OXGR1: variants seen among roughly 807,000 people sequenced by gnomAD.
OXGR1 encodes 2-oxoglutarate receptor 1.
Under a neutral mutation model 10.0 loss-of-function variants are expected in OXGR1, and 10 were observed. That is an observed-to-expected ratio of 1.00 (90% CI 0.62 to 1.70). The LOEUF is 1.70. Among genes scored for constraint, OXGR1 ranks in the 40% most tolerant of loss-of-function variants. OXGR1 has a pLI of 0.00. For missense variants in OXGR1, 398 were observed against 407.6 expected, an observed-to-expected ratio of 0.98 and a Z score of 0.20; for synonymous variants, 191 against 155.9, an observed-to-expected ratio of 1.22 and a Z score of -1.68.
Position 96,986,680 on chromosome 13 carries a change from G to C in OXGR1, c.*66C>G. On this transcript the variant is annotated 3_prime_UTR_variant, in exon 4 of 4. Transcript: ENST00000541038. ...GGAGTTCCATTGAGGGAGACATCCT[G>C]AACATCTTAGGATGCTAGGTAAAGT... 1 of 1,489,598 alleles carries C rather than the reference G, an allele frequency of 6.7e-7. No individual in the cohort carries two copies. The highest frequency in any genetic ancestry group is 2.3e-5 in the East Asian group (1 of 44,312). 92.3% of individuals were successfully genotyped at this position (1,489,598 alleles called of 1,614,324 possible).
At position 96,987,212 on chromosome 13, in the gene OXGR1, C is replaced by T. The variant is rs1881799342; in HGVS notation, c.548G>A (p.Cys183Tyr). ...TSTNRTNRSA[C>Y]LDLTSSDELN... Reference sequence around the variant, plus strand: ...TTCATCCGAACTGGTGAGGTCGAGACAGGCTGATCTGTTGGTCCTGTTGGT... The same window carrying T: ...TTCATCCGAACTGGTGAGGTCGAGATAGGCTGATCTGTTGGTCCTGTTGGT... The change falls in exon 4 of 4, where the codon TGT becomes TAT. Residue 183 changes from cysteine (C) to tyrosine (Y), a missense_variant. By Grantham distance (194) the Cys-to-Tyr change is radical. Transcript: ENST00000541038. The T allele has an allele frequency of 1.2e-6, 2 of 1,614,190 alleles. No individual in the cohort carries two copies. Among genetic ancestry groups the T allele is most frequent in the Non-Finnish European group, 1.7e-6 (2 of 1,180,044 alleles).
Position 96,987,658 on chromosome 13 carries a change from G to T in OXGR1, c.102C>A (p.His34Gln). Residue 34 changes from histidine to glutamine, a missense_variant, in exon 4 of 4, where the codon CAC (histidine) becomes CAA (glutamine). His to Gln is a conservative substitution (Grantham distance 24, BLOSUM62 0). Coordinates refer to ENST00000541038, the MANE Select transcript of OXGR1 (RefSeq NM_001346194.2). The part of the protein sequence containing the change: ...CTDENIPLKM[H>Q]YLPVIYGIIF... ...TAATGCCATAAATAACAGGGAGGTA[G>T]TGCATCTTGAGTGGGATGTTTTCAT... is the stretch of plus-strand genomic sequence containing the variant. The T allele has an allele frequency of 6.2e-7, 1 of 1,614,136 alleles. No homozygotes were observed. Among genetic ancestry groups the T allele is most frequent in the Non-Finnish European group, 8.5e-7 (1 of 1,179,992 alleles).
In OXGR1 at chr13:96,987,111, AAAGTGTCACTATCACC is replaced by A; in HGVS notation, c.633_648del (p.Leu211PhefsTer10). The A allele has an allele frequency of 6.2e-7, 1 of 1,614,232 alleles. No homozygotes were observed. ...AGAGTGTGGATAATCGTGGTATAGC[AAAGTGTCACTATCACC>A]AAGGGGAGGCAGAAAGTAGTTGCAG... On this transcript the variant is annotated frameshift_variant, in exon 4 of 4. Coordinates refer to ENST00000541038, the MANE Select transcript of OXGR1 (RefSeq NM_001346194.2). LOFTEE classifies it high-confidence loss of function.
At position 96,985,827 on chromosome 13, in the gene OXGR1, C is replaced by T. The variant is rs1401655328; in HGVS notation, c.*919G>A. The T allele has an allele frequency of 6.6e-6, 1 of 152,156 alleles. No individual in the cohort carries two copies. Among genetic ancestry groups the T allele is most frequent in the Non-Finnish European group, 1.5e-5 (1 of 68,026 alleles). 9.4% of individuals were successfully genotyped at this position (152,156 alleles called of 1,614,324 possible). ...ACTTACCGATAATTAAGCACACATA[C>T]AATTCAAAAATATCTTTAGCTATCA... On this transcript the variant is annotated 3_prime_UTR_variant, in exon 4 of 4. Transcript: ENST00000541038.
Position 96,987,620 on chromosome 13 carries a change from C to T in OXGR1, c.140G>A (p.Gly47Glu). The part of the protein sequence containing the change: ...PVIYGIIFLV[G>E]FPGNAVVIST... ...TATCACTACTGCATTGCCTGGAAATCCCACGAGGAAGATAATGCCATAAAT... is the reference window on the plus strand; with the variant it reads ...TATCACTACTGCATTGCCTGGAAATTCCACGAGGAAGATAATGCCATAAAT... Residue 47 changes from glycine to glutamate, a missense_variant, in exon 4 of 4, where the codon GGA becomes GAA. Gly to Glu is a moderately conservative substitution (Grantham distance 98). Coordinates refer to ENST00000541038, the MANE Select transcript of OXGR1 (RefSeq NM_001346194.2). 1 of 1,614,068 alleles carries T rather than the reference C, an allele frequency of 6.2e-7. No homozygotes were observed. The highest frequency in any genetic ancestry group is 8.5e-7 in the Non-Finnish European group (1 of 1,180,024).
At position 96,988,697 on chromosome 13, in the gene OXGR1, G is replaced by T. The variant is rs13378486; in HGVS notation, c.-74-864C>A. On this transcript the variant is annotated intron_variant, in intron 3 of 3. Transcript: ENST00000541038. Reference sequence around the variant, plus strand: ...TTTTGGTGCTCAGATTAGCCATTTAGTAGCGTGTTCCTAAGCAAGTTGATT... The same window carrying T: ...TTTTGGTGCTCAGATTAGCCATTTATTAGCGTGTTCCTAAGCAAGTTGATT... Among the ~76,000 whole-genome samples the T allele has an allele frequency of 8.2e-3, 1,243 of 152,284 alleles. 12 individuals are homozygous for T. The highest frequency in any genetic ancestry group is 0.028 in the African/African-American group (1,173 of 41,556).
chr13:96,994,299 T>G lies in OXGR1; in HGVS notation c.-279A>C, dbSNP rs1236190451. The G allele has an allele frequency of 6.6e-6, 1 of 152,656 alleles. No individual in the cohort carries two copies. Among genetic ancestry groups the G allele is most frequent in the Non-Finnish European group, 1.5e-5 (1 of 68,440 alleles). The allele number at this position is 152,656 out of a possible 1,614,324, so 9.5% of individuals were successfully genotyped here. ...GCTCCCCGATCACGCGCGGCTCACC[T>G]GGCAGCCCCGGCGAGGCGGACATGC... On this transcript the variant is annotated splice_region_variant and 5_prime_UTR_variant, in exon 1 of 4. Transcript: ENST00000541038.
chr13:96,989,148 A>C (rs1881929808), intron 3 of OXGR1, among the ~76,000 whole-genome samples: 1 of 152,236 alleles, frequency 6.6e-6, no homozygotes, highest in Non-Finnish European at 1.5e-5. Context: ...TTAGTTGCTA[A>C]GTCATTTGAT....
rs779288352 is a variant in OXGR1 at position 96,987,164 on chromosome 13, T to C, written c.596A>G (p.Asn199Ser). 34 of 1,613,986 alleles carry C rather than the reference T, an allele frequency of 2.1e-5. No homozygotes were observed. In the African/African-American group the frequency reaches 3.2e-4, roughly 15 times the overall value. ...GAAAGTAGTTGCAGTCAAAATCAGGTTGTACCACTTAATAGTATTGAGTTC... is the reference window on the plus strand; with the variant it reads ...GAAAGTAGTTGCAGTCAAAATCAGGCTGTACCACTTAATAGTATTGAGTTC... ...SDELNTIKWYNLILTATTFCL... is the reference protein window; with the variant it reads ...SDELNTIKWYSLILTATTFCL... Residue 199 changes from asparagine to serine, a missense_variant, in exon 4 of 4, where the codon AAC becomes AGC. Asn to Ser is a conservative substitution (Grantham distance 46, BLOSUM62 1). Transcript: ENST00000541038.
intron 2 of OXGR1, among the ~76,000 whole-genome samples, chr13:96,991,773 C>G (rs556238990): frequency 2.6e-5 from 4 of 152,136 alleles, no homozygotes; most frequent in Non-Finnish European, 4.4e-5. Flanking sequence ...AAGAGCTATC[C>G]GCATTCCCAT....
chr13:96,986,232 G>A lies in OXGR1; in HGVS notation c.*514C>T, dbSNP rs774198882. The A allele has an allele frequency of 1.3e-5, 2 of 153,352 alleles. No individual in the cohort carries two copies. The highest frequency in any genetic ancestry group is 6.5e-5 in the Admixed American group (1 of 15,416). The allele number at this position is 153,352 out of a possible 1,614,324, so 9.5% of individuals were successfully genotyped here. A position where few individuals can be genotyped will look rare whatever the true frequency, so the allele number is the denominator to read the frequency against. On this transcript the variant is annotated 3_prime_UTR_variant, in exon 4 of 4. Coordinates refer to ENST00000541038, the MANE Select transcript of OXGR1 (RefSeq NM_001346194.2). ...CTAAACCCAGTTTTATAATCTCAAA[G>A]TTAAGCTTGAAGGAAACAAATTGTA... is the stretch of plus-strand genomic sequence containing the variant.
In OXGR1 at chr13:96,986,794, G is replaced by T. The variant is rs144365402; in HGVS notation, c.966C>A (p.Ser322Arg). 1 of 1,612,976 alleles carries T rather than the reference G, an allele frequency of 6.2e-7. No homozygotes were observed. Among genetic ancestry groups the T allele is most frequent in the East Asian group, 2.2e-5 (1 of 44,878 alleles). ...TTTTCTTTGCTTGCTCAAGGTTCCC[G>T]CTTACTTTGCATCTCACTGTTGAGC... is the stretch of plus-strand genomic sequence containing the variant. The part of the protein sequence containing the change: ...AVCSTVRCKV[S>R]GNLEQAKKIS... The change falls in exon 4 of 4, where the codon AGC becomes AGA. Residue 322 changes from serine (S) to arginine (R), a missense_variant. Ser to Arg is a moderately radical substitution (Grantham distance 110). Coordinates refer to ENST00000541038, the MANE Select transcript of OXGR1 (RefSeq NM_001346194.2).
Position 96,994,391 on chromosome 13 carries a change from G to A in OXGR1, c.-371C>T. Reference sequence around the variant, plus strand: ...ACCTGTCCCGGGGAGGCTGCGCACCGCCCCGCCCCTCCCACCCCTCCGAGG... The same window carrying A: ...ACCTGTCCCGGGGAGGCTGCGCACCACCCCGCCCCTCCCACCCCTCCGAGG... On this transcript the variant is annotated 5_prime_UTR_variant, in exon 1 of 4. Transcript: ENST00000541038. 6.6e-6 allele frequency: 1 copy of A among 151,350 alleles called. No individual in the cohort carries two copies. Among genetic ancestry groups the A allele is most frequent in the South Asian group, 2.1e-4 (1 of 4,764 alleles). 9.4% of individuals were successfully genotyped at this position (151,350 alleles called of 1,614,324 possible). A position where few individuals can be genotyped will look rare whatever the true frequency, so the allele number is the denominator to read the frequency against.
At chr13:96,990,875 G>A (rs981106787) in intron 2 of OXGR1, among the ~76,000 whole-genome samples, 8 of 147,404 alleles carry the variant, frequency 5.4e-5, no homozygotes, top group African/African-American at 1.7e-4. Context: ...CTTGAACCTG[G>A]GAGGTGTAGG....
intron 1 of OXGR1, among the ~76,000 whole-genome samples, 169 bp from the exon 2 acceptor site, chr13:96,992,741 A>G (rs528490198): frequency 1.3e-5 from 2 of 152,266 alleles, no homozygotes; most frequent in South Asian, 2.1e-4. Flanking sequence ...GCTTTGTTGG[A>G]TAAGTTAAGC....
chr13:96,993,296 T>C (rs1464401175), intron 1 of OXGR1, among the ~76,000 whole-genome samples: 1 of 152,192 alleles, frequency 6.6e-6, no homozygotes, highest in African/African-American at 2.4e-5. Context: ...CTTGGCGCAC[T>C]TCAACCTCCA....
chr13:96,992,110 G>A (rs1260717895), intron 2 of OXGR1, among the ~76,000 whole-genome samples: 6 of 151,462 alleles, frequency 4.0e-5, no homozygotes, highest in Middle Eastern at 3.4e-3. Context: ...CTGGTGGAGG[G>A]GATGGCTAAT....
chr13:96,987,398 A>G lies in OXGR1; in HGVS notation c.362T>C (p.Ile121Thr). 2 of 1,614,196 alleles carry G rather than the reference A, an allele frequency of 1.2e-6. No homozygotes were observed. The highest frequency in any genetic ancestry group is 2.2e-5 in the East Asian group (1 of 44,882). Residue 121 changes from isoleucine (I) to threonine (T), a missense_variant, in exon 4 of 4, where the codon ATC (isoleucine) becomes ACC (threonine). Physicochemically the swap from Ile to Thr is moderately conservative, Grantham distance 89. Coordinates refer to ENST00000541038, the MANE Select transcript of OXGR1 (RefSeq NM_001346194.2). ...GATGCTGAAACAGGTGAGGAAGAGG[A>G]TGCTGCTATACAGGTTGAAATGGAA... ...FSFHFNLYSS[I>T]LFLTCFSIFR...
chr13:96,990,983 A>G (rs1882028452), intron 2 of OXGR1, among the ~76,000 whole-genome samples: 1 of 149,076 alleles, frequency 6.7e-6, no homozygotes, highest in African/African-American at 2.5e-5. Context: ...ATCTTTCATG[A>G]CTTTTAAAGT....
Sources: gnomAD v4.1 joint callset for allele counts (sites outside exome capture counted in the v4.1 genomes callset) on GRCh38, gnomAD v4.1.1 for gene constraint, MANE v1.5 for transcripts, NCBI Gene and HGNC (gene_info 2026-07-23, HGNC 2026-07-21) for gene names.